Variants in TMEM232 observed in about 807,000 individuals in gnomAD.
TMEM232 encodes the protein transmembrane protein 232.
A neutral mutation model predicts 78.8 loss-of-function variants in TMEM232; 80 were observed. The ratio of observed to expected loss-of-function variants is 1.01; its 90% CI spans 0.85 to 1.22. The LOEUF (loss-of-function observed/expected upper bound fraction) is 1.22. TMEM232 is among the 50% of genes most tolerant of loss of function. The probability of loss-of-function intolerance (pLI) is 0.00; values close to 1 mark genes in which losing one functional copy is unlikely to be tolerated. For missense variants in TMEM232, 881 were observed against 742.2 expected (o/e 1.19, Z -2.17); for synonymous variants, 297 against 254.3 (o/e 1.17, Z -1.60).
chr5:110,404,165 T>C (rs1755705078), intron 2 of TMEM232, among the ~76,000 whole-genome samples: 1 of 152,114 alleles, frequency 6.6e-6, no homozygotes, highest in Admixed American at 6.6e-5. Flanking sequence ...ATTTTGACAT[T>C]GAAATTTTCT....
chr5:110,667,015 A>C (rs548867696), intron 2 of TMEM232: 2 of 404,502 alleles, frequency 4.9e-6, no homozygotes, highest in Admixed American at 8.9e-5. Context: ...TTAAGAAAAC[A>C]TATGAGTATA....
At chr5:110,559,556 C>T (rs778270820) in intron 11 of TMEM232, among the ~76,000 whole-genome samples, 12 of 151,888 alleles carry the variant, frequency 7.9e-5, no homozygotes, top group South Asian at 4.1e-4. Flanking sequence ...TCAAAATGGC[C>T]GATAAGCAAA....
At chr5:110,664,446 A>G (rs1429466783) in intron 2 of TMEM232, among the ~76,000 whole-genome samples, 1 of 152,224 alleles carries the variant, frequency 6.6e-6, no homozygotes, top group Non-Finnish European at 1.5e-5. Context: ...TAGAAAAATG[A>G]ACTGGAATGA....
chr5:110,563,872 T>C (rs191442281), intron 11 of TMEM232, among the ~76,000 whole-genome samples: 88 of 152,140 alleles, frequency 5.8e-4, no homozygotes, highest in Non-Finnish European at 1.1e-3. Flanking sequence ...TGGGCAGCTC[T>C]GTGATTGTCT....
chr5:110,669,042 G>A (rs1790996570), intron 1 of TMEM232, among the ~76,000 whole-genome samples: 2 of 152,102 alleles, frequency 1.3e-5, no homozygotes, highest in Non-Finnish European at 2.9e-5. Flanking sequence ...ATCTACAATT[G>A]AAACCCTAAC....
intron 1 of TMEM232, among the ~76,000 whole-genome samples, chr5:110,723,441 G>A (rs1157469886): frequency 1.3e-5 from 2 of 152,042 alleles, no homozygotes; most frequent in East Asian, 3.9e-4. Context: ...CTACTTCTTG[G>A]CTAGTACATT....
intron 12 of TMEM232, among the ~76,000 whole-genome samples, chr5:110,490,268 T>C (rs1255681424): frequency 6.6e-6 from 1 of 152,150 alleles, no homozygotes; most frequent in African/African-American, 2.4e-5. Flanking sequence ...AATGTTCAAT[T>C]TGCCATAGTA....
chr5:110,437,966 G>T (rs1758615530), intron 12 of TMEM232, among the ~76,000 whole-genome samples: 1 of 152,060 alleles, frequency 6.6e-6, no homozygotes, highest in Non-Finnish European at 1.5e-5. Flanking sequence ...TAAGAGGCTG[G>T]TAGTCCTGAA....
chr5:110,575,179 C>T (rs1357099015), intron 10 of TMEM232, among the ~76,000 whole-genome samples: 1 of 151,850 alleles, frequency 6.6e-6, no homozygotes, highest in Non-Finnish European at 1.5e-5. Flanking sequence ...ATATGTATCA[C>T]TATATATGTA....
At position 110,606,293 on chromosome 5, in the gene TMEM232, A is replaced by C; in HGVS notation, c.903-6T>G. The C allele has an allele frequency of 6.6e-7, 1 of 1,515,226 alleles. No individual in the cohort carries two copies. Among genetic ancestry groups the C allele is most frequent in the Non-Finnish European group, 8.9e-7 (1 of 1,127,688 alleles). The allele number at this position is 1,515,226 out of a possible 1,614,324, so 93.9% of individuals were successfully genotyped here. ...AAGCCAGTACTGAATCCAACCTGAA[A>C]ATTTTATGGACGAAAGGATAAAGAT... On this transcript the variant is annotated splice_region_variant and splice_polypyrimidine_tract_variant and intron_variant, in intron 8 of 13. Coordinates refer to ENST00000455884, the MANE Select transcript of TMEM232 (RefSeq NM_001039763.4).
chr5:110,404,487 A>C (rs2112573181), intron 2 of TMEM232, among the ~76,000 whole-genome samples: 1 of 152,224 alleles, frequency 6.6e-6, no homozygotes, highest in South Asian at 2.1e-4. Context: ...AAAGTGTTTT[A>C]GTTTATTCAG....
rs143633135 is a variant in TMEM232 at position 110,732,712 on chromosome 5, G to A, written c.-13+2191C>T. Reference sequence around the variant, plus strand: ...ATACAATTCAAGTTGAGATTTGGGTGGGGACACAACGAACCATATCAGATA... The same window carrying A: ...ATACAATTCAAGTTGAGATTTGGGTAGGGACACAACGAACCATATCAGATA... On this transcript the variant is annotated intron_variant, in intron 2 of 4. Coordinates refer to the TMEM232 transcript ENST00000512886. Among the ~76,000 whole-genome samples the A allele has an allele frequency of 1.4e-3, 212 of 152,264 alleles. 3 individuals are homozygous for A. Among genetic ancestry groups the A allele is most frequent in the African/African-American group, 4.6e-3 (191 of 41,544 alleles).
intron 10 of TMEM232, among the ~76,000 whole-genome samples, chr5:110,570,285 ATATTTTTGCACTGAACATTTGGAC>A (rs1345943233): frequency 6.6e-6 from 1 of 152,006 alleles, no homozygotes; most frequent in African/African-American, 2.4e-5. Flanking sequence ...AATGGCATTA[ATATTTTTGCACTGAACATTTGGAC>A]TATAATAAAA....
At chr5:110,723,587 C>T (rs1480475472) in intron 1 of TMEM232, among the ~76,000 whole-genome samples, 1 of 152,122 alleles carries the variant, frequency 6.6e-6, no homozygotes, top group Non-Finnish European at 1.5e-5. Context: ...CAAAGCATTA[C>T]TTCTGTTTAC....
intron 1 of TMEM232, among the ~76,000 whole-genome samples, chr5:110,709,476 T>C (rs554086222): frequency 3.3e-5 from 5 of 152,240 alleles, no homozygotes; most frequent in East Asian, 1.9e-4. Flanking sequence ...ATAGACCATA[T>C]GTTAGGTCAC....
At chr5:110,701,032 G>A (rs959810064) in intron 1 of TMEM232, among the ~76,000 whole-genome samples, 1 of 151,530 alleles carries the variant, frequency 6.6e-6, no homozygotes, top group African/African-American at 2.4e-5. Context: ...TTTCCTTTTG[G>A]TGCCTTCCAC....
chr5:110,479,628 G>T lies in TMEM232; in HGVS notation c.1703+48960C>A, dbSNP rs7736077. Among the ~76,000 whole-genome samples the T allele has an allele frequency of 9.1e-3, 1,386 of 151,760 alleles. 21 individuals are homozygous for T. Among genetic ancestry groups the T allele is most frequent in the African/African-American group, 0.032 (1,313 of 41,474 alleles). On this transcript the variant is annotated intron_variant, in intron 12 of 13. Transcript: ENST00000455884. Reference sequence around the variant, plus strand: ...GTCTGATCATTCTCATTTTATTAATGAATTTACCACAACTTACTTATTTTA... The same window carrying T: ...GTCTGATCATTCTCATTTTATTAATTAATTTACCACAACTTACTTATTTTA...
chr5:110,503,238 G>A (rs1476109959), intron 12 of TMEM232, among the ~76,000 whole-genome samples: 1 of 152,136 alleles, frequency 6.6e-6, no homozygotes, highest in Non-Finnish European at 1.5e-5. Flanking sequence ...AGTGAAAAGT[G>A]ACCTGATTTT....
chr5:110,499,744 A>C (rs1766037418), intron 12 of TMEM232, among the ~76,000 whole-genome samples: 1 of 152,100 alleles, frequency 6.6e-6, no homozygotes, highest in South Asian at 2.1e-4. Flanking sequence ...CAGAATTAAA[A>C]AGATGTATTT....
Sources: gnomAD v4.1 joint callset for allele counts (sites outside exome capture counted in the v4.1 genomes callset) on GRCh38, gnomAD v4.1.1 for gene constraint, MANE v1.5 for transcripts, NCBI Gene and HGNC (gene_info 2026-07-23, HGNC 2026-07-21) for gene names.